SPAG16: variants seen among roughly 807,000 people sequenced by gnomAD.
SPAG16 encodes the protein sperm associated antigen 16, also known as sperm-associated antigen 16 protein.
Under a neutral mutation model 80.4 loss-of-function variants are expected in SPAG16, and 86 were observed. The ratio of observed to expected loss-of-function variants is 1.07; its 90% CI spans 0.90 to 1.28. The LOEUF (loss-of-function observed/expected upper bound fraction) is 1.28. SPAG16 is among the 50% of genes most tolerant of loss of function. The pLI, the probability that SPAG16 is intolerant of heterozygous loss-of-function variation, is 0.00. For missense variants in SPAG16, 870 were observed against 765.3 expected (o/e 1.14, Z -1.61); for synonymous variants, 294 against 265.9 (o/e 1.11, Z -1.03).
chr2:213,736,539 C>T (rs537392608), intron 10 of SPAG16, among the ~76,000 whole-genome samples: 147 of 152,022 alleles, frequency 9.7e-4, no homozygotes, highest in African/African-American at 3.4e-3. Context: ...CCACCTGCCT[C>T]GGCCTCCCAA....
intron 10 of SPAG16, among the ~76,000 whole-genome samples, chr2:213,858,895 A>C (rs1444538982): frequency 6.6e-6 from 1 of 152,032 alleles, no homozygotes; most frequent in African/African-American, 2.4e-5. Context: ...AAAAATAAAA[A>C]GTCCGCCAGG....
chr2:213,839,135 A>G (rs1316036222), intron 10 of SPAG16, among the ~76,000 whole-genome samples: 1 of 152,230 alleles, frequency 6.6e-6, no homozygotes, highest in African/African-American at 2.4e-5. Context: ...GATTTCTGTA[A>G]GATGGATTTG....
At chr2:213,631,388 G>C (rs1027417884) in intron 10 of SPAG16, among the ~76,000 whole-genome samples, 1 of 152,104 alleles carries the variant, frequency 6.6e-6, no homozygotes, top group Non-Finnish European at 1.5e-5. Flanking sequence ...ACCATTCTGA[G>C]TACTTTAAAT....
At chr2:213,958,903 G>A (rs6722817) in intron 12 of SPAG16, among the ~76,000 whole-genome samples, 1 of 151,842 alleles carries the variant, frequency 6.6e-6, no homozygotes. Context: ...GTCATTTTAC[G>A]CTGCAGGACT....
At chr2:214,396,884 CT>C in intron 15 of SPAG16, among the ~76,000 whole-genome samples, 1 of 151,950 alleles carries the variant, frequency 6.6e-6, no homozygotes, top group Non-Finnish European at 1.5e-5. Flanking sequence ...AATGTATCAT[CT>C]TTGATAAATA....
At chr2:213,285,963 G>T (rs1559371047) in intron 1 of SPAG16, 12 of 1,229,934 alleles carry the variant, frequency 9.8e-6, no homozygotes, top group Non-Finnish European at 1.2e-5. Flanking sequence ...AATTATTTCC[G>T]TGAACACATA....
chr2:213,832,821 A>T (rs981603010), intron 10 of SPAG16, among the ~76,000 whole-genome samples: 4 of 152,120 alleles, frequency 2.6e-5, no homozygotes, highest in African/African-American at 9.7e-5. Flanking sequence ...CACGTATGTA[A>T]ATCTTCGATT....
intron 10 of SPAG16, among the ~76,000 whole-genome samples, chr2:213,688,046 C>CTATGCACTCACTTTCCATTCTACTCTATT (rs2064768353): frequency 6.6e-6 from 1 of 152,090 alleles, no homozygotes; most frequent in East Asian, 1.9e-4. Flanking sequence ...AGACATCAAT[C>CTATGCACTCACTTTCCATTCTACTCTATT]AAATACATTT....
intron 12 of SPAG16, among the ~76,000 whole-genome samples, chr2:213,940,132 A>T (rs2079139137): frequency 6.6e-6 from 1 of 152,224 alleles, no homozygotes; most frequent in South Asian, 2.1e-4. Context: ...ACATATAATT[A>T]TATAACAGCC....
At chr2:214,252,043 T>G (rs1179746520) in intron 15 of SPAG16, among the ~76,000 whole-genome samples, 1 of 152,136 alleles carries the variant, frequency 6.6e-6, no homozygotes, top group Non-Finnish European at 1.5e-5. Flanking sequence ...GTCCACTCTC[T>G]AAGTAAAATT....
At chr2:213,848,380 A>G (rs1054805437) in intron 10 of SPAG16, among the ~76,000 whole-genome samples, 1 of 152,244 alleles carries the variant, frequency 6.6e-6, no homozygotes, top group African/African-American at 2.4e-5. Flanking sequence ...GTCCTACTGC[A>G]TCACAGATTA....
At chr2:214,317,901 A>T (rs1182485202) in intron 15 of SPAG16, among the ~76,000 whole-genome samples, 1 of 152,310 alleles carries the variant, frequency 6.6e-6, no homozygotes, top group African/African-American at 2.4e-5. Context: ...AATTACCACA[A>T]TTTTTTTAGA....
At chr2:214,036,882 A>G (rs147539132) in intron 13 of SPAG16, among the ~76,000 whole-genome samples, 15 of 152,244 alleles carry the variant, frequency 9.9e-5, no homozygotes, top group African/African-American at 3.4e-4. Flanking sequence ...TTATTTATTT[A>G]AAGTATACTG....
At chr2:213,777,545 A>T (rs1353042955) in intron 10 of SPAG16, among the ~76,000 whole-genome samples, 1 of 151,948 alleles carries the variant, frequency 6.6e-6, no homozygotes, top group African/African-American at 2.4e-5. Context: ...CAGCTGGATT[A>T]CAGGCGCCCG....
At chr2:213,865,668 CTT>C (rs888003455) in intron 11 of SPAG16, among the ~76,000 whole-genome samples, 4 of 147,590 alleles carry the variant, frequency 2.7e-5, no homozygotes, top group South Asian at 2.1e-4. Flanking sequence ...AACTTCTGAA[CTT>C]ATATATATAT....
chr2:213,913,351 C>A (rs2077766816), intron 11 of SPAG16, among the ~76,000 whole-genome samples: 1 of 152,044 alleles, frequency 6.6e-6, no homozygotes, highest in Non-Finnish European at 1.5e-5. Context: ...GAGCATTCTG[C>A]ATATCTGGAG....
At chr2:213,607,051 GAT>G (rs1208280191) in intron 10 of SPAG16, among the ~76,000 whole-genome samples, 3 of 152,274 alleles carry the variant, frequency 2.0e-5, no homozygotes, top group South Asian at 2.1e-4. Context: ...TCAGAAAGAT[GAT>G]ATGTTTGGTA....
chr2:214,021,252 T>A (rs1036185601), intron 13 of SPAG16, among the ~76,000 whole-genome samples: 2 of 152,152 alleles, frequency 1.3e-5, no homozygotes, highest in Admixed American at 6.6e-5. Flanking sequence ...ATTATAAAGA[T>A]CCTAATCATC....
chr2:213,413,997 G>A (rs907561183), intron 9 of SPAG16, among the ~76,000 whole-genome samples: 1 of 152,158 alleles, frequency 6.6e-6, no homozygotes, highest in African/African-American at 2.4e-5. Context: ...TAATCTTCAT[G>A]TTTAACTTTG....
Sources: gnomAD v4.1 joint callset for allele counts (sites outside exome capture counted in the v4.1 genomes callset) on GRCh38, gnomAD v4.1.1 for gene constraint, MANE v1.5 for transcripts, NCBI Gene and HGNC (gene_info 2026-07-23, HGNC 2026-07-21) for gene names.